The following TSBP1 variants were observed in gnomAD, a reference collection of about 807,000 sequenced individuals.
TSBP1 encodes the protein testis expressed basic protein 1, also known as testis-expressed basic protein 1.
In TSBP1, 56 loss-of-function variants were observed where a neutral mutation model predicts 68.8. That is an observed-to-expected ratio of 0.81 (90% CI 0.66 to 1.02). The LOEUF is 1.02. Among genes scored for constraint, TSBP1 ranks in the 50% least tolerant of loss-of-function variants. The probability of loss-of-function intolerance (pLI) is 0.00; values close to 1 mark genes in which losing one functional copy is unlikely to be tolerated. For missense variants in TSBP1, 502 were observed against 641.2 expected, an observed-to-expected ratio of 0.78 and a Z score of 2.34; for synonymous variants, 171 against 208.7, an observed-to-expected ratio of 0.82 and a Z score of 1.56.
rs1331961661 is a variant in TSBP1 at position 32,338,323 on chromosome 6, G to T, written c.409+656C>A. On this transcript the variant is annotated intron_variant, in intron 11 of 22. Transcript: ENST00000612031. The surrounding 1 kb of genome is among the most constrained non-coding windows in gnomAD (Gnocchi z 5.5). ...AAACTCCAGGGTGACGTTGATGCAG[G>T]CCCTTGGACCCACTTTAAGCATCAA... Among the ~76,000 whole-genome samples the T allele has an allele frequency of 2.0e-5, 3 of 152,100 alleles. No individual in the cohort carries two copies. The highest frequency in any genetic ancestry group is 4.4e-5 in the Non-Finnish European group (3 of 68,030).
At chr6:32,359,690 C>T (rs1772776818) in intron 6 of TSBP1, among the ~76,000 whole-genome samples, 1 of 152,166 alleles carries the variant, frequency 6.6e-6, no homozygotes, top group African/African-American at 2.4e-5. Context: ...GTTGCCATTG[C>T]TTTTGGTGTT....
chr6:32,312,474 C>G (rs1766505395), intron 19 of TSBP1, among the ~76,000 whole-genome samples: 1 of 152,102 alleles, frequency 6.6e-6, no homozygotes, highest in Admixed American at 6.6e-5. Flanking sequence ...TTTAGCATAA[C>G]TAGAAAATTA....
intron 15 of TSBP1, among the ~76,000 whole-genome samples, chr6:32,331,606 G>A (rs1030638151): frequency 6.6e-6 from 1 of 152,164 alleles, no homozygotes; most frequent in Non-Finnish European, 1.5e-5. Flanking sequence ...GTCATATTCA[G>A]CTGGGAGAAA....
intron 3 of TSBP1, among the ~76,000 whole-genome samples, chr6:32,368,384 G>T (rs3129933): frequency 6.6e-6 from 1 of 151,970 alleles, no homozygotes; most frequent in African/African-American, 2.4e-5. Context: ...GTTCACTCTC[G>T]TTATTCTAGG....
Position 32,357,083 on chromosome 6 carries a change from G to A in TSBP1, c.218-1414C>T, listed in dbSNP as rs1772438582. Among the ~76,000 whole-genome samples, 1 of 152,114 alleles carries A rather than the reference G, an allele frequency of 6.6e-6. No homozygotes were observed. The highest frequency in any genetic ancestry group is 1.5e-5 in the Non-Finnish European group (1 of 68,020). ...TATATTCCTATGTCTAGAAATAATG[G>A]AGGGAAGACTAGCAGGGCGTGGGAA... is the stretch of plus-strand genomic sequence containing the variant. On this transcript the variant is annotated intron_variant, in intron 6 of 22. Coordinates refer to ENST00000612031, the Ensembl canonical transcript of TSBP1. The surrounding 1 kb of genome is among the most constrained non-coding windows in gnomAD (Gnocchi z 4.7).
chr6:32,341,811 G>A (rs1770390423), intron 9 of TSBP1, among the ~76,000 whole-genome samples: 1 of 152,052 alleles, frequency 6.6e-6, no homozygotes, highest in South Asian at 2.1e-4. Context: ...AAAAAATAAT[G>A]AAATATGATA....
chr6:32,354,959 A>G (rs939430876), intron 8 of TSBP1, among the ~76,000 whole-genome samples, 165 bp downstream of exon 8: 6 of 152,150 alleles, frequency 3.9e-5, no homozygotes, highest in Non-Finnish European at 5.9e-5. Context: ...CTTGAGAAAT[A>G]TGACAAGAAT....
chr6:32,293,760 C>T lies in TSBP1; in HGVS notation c.913G>A (p.Glu305Lys), dbSNP rs934519480. ...ATCTCACTGATTTTTAGTTGGGTTT[C>T]CTGTCTTTTTGGTATTCCAGCGTCA... Residue 305 changes from glutamate (E) to lysine (K), a missense_variant, in exon 23 of 23, where the codon GAA becomes AAA. Glu to Lys is a moderately conservative substitution (Grantham distance 56). Coordinates refer to ENST00000612031, the Ensembl canonical transcript of TSBP1. 6 of 1,612,838 alleles carry T rather than the reference C, an allele frequency of 3.7e-6. No homozygotes were observed. In the African/African-American group the frequency reaches 6.7e-5, roughly 18 times the overall value.
chr6:32,312,443 T>A (rs1392499100), intron 19 of TSBP1, among the ~76,000 whole-genome samples: 1 of 152,204 alleles, frequency 6.6e-6, no homozygotes, highest in African/African-American at 2.4e-5. Context: ...TTAAAGGGGA[T>A]GGCTTAAGCA....
intron 9 of TSBP1, among the ~76,000 whole-genome samples, chr6:32,346,710 C>T (rs953477969): frequency 1.3e-5 from 2 of 152,056 alleles, no homozygotes; most frequent in Admixed American, 6.6e-5. Flanking sequence ...TTGTGGTGCA[C>T]GCCTGTAATC....
chr6:32,342,701 CTTA>C (rs532340067), intron 9 of TSBP1, among the ~76,000 whole-genome samples: 69 of 152,178 alleles, frequency 4.5e-4, no homozygotes, highest in African/African-American at 1.6e-3. Flanking sequence ...TTTAGTAGGT[CTTA>C]TTATATTATT....
chr6:32,355,230 C>G, intron 7 of TSBP1, 86 bp from the exon 8 acceptor site: 1 of 1,380,130 alleles, frequency 7.2e-7, no homozygotes, highest in Non-Finnish European at 1.0e-6. Flanking sequence ...TGCTGTCACC[C>G]CCTTCTCAGG....
At chr6:32,309,139 A>G (rs1290482647) in intron 19 of TSBP1, among the ~76,000 whole-genome samples, 1 of 151,872 alleles carries the variant, frequency 6.6e-6, no homozygotes, top group African/African-American at 2.4e-5. Flanking sequence ...TTGTAGAGAC[A>G]GGATTTCACC....
rs1482642636 is a variant in TSBP1 at position 32,321,866 on chromosome 6, A to C, written c.559+1251T>G. Among the ~76,000 whole-genome samples the C allele has an allele frequency of 1.3e-5, 2 of 152,146 alleles. No individual in the cohort carries two copies. Among genetic ancestry groups the C allele is most frequent in the African/African-American group, 2.4e-5 (1 of 41,428 alleles). ...TAAAACTTGGAAAATTTTACCTACT[A>C]TCTGGATTAAGTGAGATGCTTTGGC... On this transcript the variant is annotated intron_variant, in intron 18 of 22. Coordinates refer to ENST00000612031, the Ensembl canonical transcript of TSBP1. This position sits in a 1 kb window ranked among gnomAD's most constrained non-coding sequence, Gnocchi z 4.3.
At chr6:32,319,295 T>C (rs75230829) in intron 18 of TSBP1, among the ~76,000 whole-genome samples, 4,675 of 144,120 alleles carry the variant, frequency 0.032, no homozygotes, top group Non-Finnish European at 0.057. Context: ...GAAGACCTTC[T>C]TCCCACTTCC....
Position 32,325,499 on chromosome 6 carries a change from TTC to T in TSBP1, c.515-1887_515-1886del. ...CAAAGAGAGCTGTCTCAAGAGAAGA[TTC>T]TCAAATACCAGGTGCCCACTTAACT... On this transcript the variant is annotated intron_variant, in intron 16 of 22. Coordinates refer to ENST00000612031, the Ensembl canonical transcript of TSBP1. This position sits in a 1 kb window ranked among gnomAD's most constrained non-coding sequence, Gnocchi z 4.4. 1 of 895,982 alleles carries T rather than the reference TTC, an allele frequency of 1.1e-6. No homozygotes were observed. Among genetic ancestry groups the T allele is most frequent in the Non-Finnish European group, 1.8e-6 (1 of 541,072 alleles). The allele number at this position is 895,982 out of a possible 1,614,324, so 55.5% of individuals were successfully genotyped here. A position where few individuals can be genotyped will look rare whatever the true frequency, so the allele number is the denominator to read the frequency against.
chr6:32,334,752 G>A (rs1420313554), intron 14 of TSBP1, among the ~76,000 whole-genome samples: 1 of 152,216 alleles, frequency 6.6e-6, no homozygotes, highest in African/African-American at 2.4e-5. Flanking sequence ...AGGAAAGGAA[G>A]GCCAGGCGCA....
chr6:32,296,962 A>G (rs1258853991), intron 22 of TSBP1, among the ~76,000 whole-genome samples: 1 of 152,168 alleles, frequency 6.6e-6, no homozygotes, highest in African/African-American at 2.4e-5. Flanking sequence ...TAGAATCTTC[A>G]TACCCTTATT....
Position 32,335,578 on chromosome 6 carries a change from A to G in TSBP1, c.452-121T>C. ...AATCTGCATCACTATTGTCAAGTTC[A>G]GCTGCAGTTGAGTAGTAGAAATGGT... On this transcript the variant is annotated intron_variant, in intron 13 of 22. Transcript: ENST00000612031. The surrounding 1 kb of genome is among the most constrained non-coding windows in gnomAD (Gnocchi z 5.5). The G allele has an allele frequency of 1.2e-6, 1 of 830,460 alleles. No individual in the cohort carries two copies. The highest frequency in any genetic ancestry group is 1.6e-6 in the Non-Finnish European group (1 of 606,302). The allele number at this position is 830,460 out of a possible 1,614,324, so 51.4% of individuals were successfully genotyped here. A position where few individuals can be genotyped will look rare whatever the true frequency, so the allele number is the denominator to read the frequency against.
Sources: gnomAD v4.1 joint callset for allele counts (sites outside exome capture counted in the v4.1 genomes callset) on GRCh38, gnomAD v4.1.1 for gene constraint, Gnocchi (gnomAD v3.1) non-coding constraint, MANE v1.5 for transcripts, NCBI Gene and HGNC (gene_info 2026-07-23, HGNC 2026-07-21) for gene names.